ALPK2: variants seen among roughly 807,000 people sequenced by gnomAD.
The protein encoded by ALPK2 is alpha-protein kinase 2.
In ALPK2, 127 loss-of-function variants were observed where a neutral mutation model predicts 163.1. The observed-to-expected ratio is 0.78, with a 90% CI of 0.67 to 0.90. The LOEUF (loss-of-function observed/expected upper bound fraction) is 0.90. ALPK2 is among the 40% of genes least tolerant of loss of function. The pLI is 0.00. For missense variants in ALPK2, 2,360 were observed against 2,589.6 expected (o/e 0.91, Z 1.92); for synonymous variants, 953 against 959.1 (o/e 0.99, Z 0.12).
At chr18:58,548,383 C>T (rs1027301706) in intron 4 of ALPK2, among the ~76,000 whole-genome samples, 6 of 150,754 alleles carry the variant, frequency 4.0e-5, no homozygotes, top group Admixed American at 6.6e-5. Context: ...CACAGTGGTG[C>T]GATCTCGGCT....
At chr18:58,512,909 GTGTATGTGTGA>G (rs1330328117) in intron 10 of ALPK2, among the ~76,000 whole-genome samples, 1 of 129,646 alleles carries the variant, frequency 7.7e-6, no homozygotes, top group East Asian at 2.2e-4. Context: ...TATGTGTGTG[GTGTATGTGTGA>G]TGTGTGGGGT....
chr18:58,544,004 A>G (rs1189875632), intron 4 of ALPK2, among the ~76,000 whole-genome samples: 2 of 152,236 alleles, frequency 1.3e-5, no homozygotes. Context: ...TCTTAGGTGC[A>G]ACATGGCCAT....
At chr18:58,532,067 C>T (rs546489520) in intron 5 of ALPK2, among the ~76,000 whole-genome samples, 12 of 150,846 alleles carry the variant, frequency 8.0e-5, no homozygotes, top group Admixed American at 6.0e-4. Context: ...TGTGTTGATT[C>T]GTATGGATTA....
intron 12 of ALPK2, among the ~76,000 whole-genome samples, chr18:58,496,781 C>T (rs1203524648): frequency 6.6e-6 from 1 of 152,170 alleles, no homozygotes; most frequent in Non-Finnish European, 1.5e-5. Context: ...CTTTACTCCT[C>T]TCAGGGCTGC....
chr18:58,517,204 G>C (rs1261154776), intron 8 of ALPK2, 22 bp from the exon 9 acceptor site: 9 of 1,606,762 alleles, frequency 5.6e-6, no homozygotes, highest in African/African-American at 5.3e-5. Context: ...CACAGCTTTG[G>C]TTGGAAAGAA....
chr18:58,536,899 G>A lies in ALPK2; in HGVS notation c.3288C>T (p.Cys1096=). The part of the protein sequence containing the change: ...VLQLPEGEGF[C]SNSPLQVDNL... ...TATCAACCTGAAGAGGGGAATTACTGCAGAAACCCTCTCCCTCTGGGAGCT... is the reference window on the plus strand; with the variant it reads ...TATCAACCTGAAGAGGGGAATTACTACAGAAACCCTCTCCCTCTGGGAGCT... The change falls in exon 5 of 13, where the codon TGC becomes TGT. Residue 1096 remains cysteine, a synonymous_variant. Coordinates refer to ENST00000361673, the MANE Select transcript of ALPK2 (RefSeq NM_052947.4). The A allele has an allele frequency of 6.2e-7, 1 of 1,614,190 alleles. No homozygotes were observed.
chr18:58,557,586 A>G (rs2051799915), intron 4 of ALPK2, among the ~76,000 whole-genome samples: 1 of 152,174 alleles, frequency 6.6e-6, no homozygotes, highest in Non-Finnish European at 1.5e-5. Context: ...TGCTCTAAAA[A>G]AGTCTATTAA....
At chr18:58,482,169 G>T in intron 12 of ALPK2, 130 bp from the exon 13 acceptor site, 1 of 686,814 alleles carries the variant, frequency 1.5e-6, no homozygotes, top group Admixed American at 2.6e-5. Flanking sequence ...AGATAAGAAT[G>T]GCTGCAGGAT....
At chr18:58,601,979 G>C (rs1306222329) in intron 3 of ALPK2, among the ~76,000 whole-genome samples, 1 of 152,110 alleles carries the variant, frequency 6.6e-6, no homozygotes, top group Non-Finnish European at 1.5e-5. Context: ...CCTCCCGCCA[G>C]ATGCAGTAGC....
intron 4 of ALPK2, chr18:58,543,530 G>T: frequency 3.2e-6 from 1 of 315,636 alleles, no homozygotes; most frequent in Non-Finnish European, 4.6e-6. Flanking sequence ...CAAGGTTGCA[G>T]ATGACCACGT....
intron 3 of ALPK2, among the ~76,000 whole-genome samples, chr18:58,603,065 A>G (rs1278882452): frequency 6.6e-6 from 1 of 152,234 alleles, no homozygotes; most frequent in Non-Finnish European, 1.5e-5. Context: ...CTTGTTTAGC[A>G]TATAATCAAT....
At chr18:58,521,298 G>A (rs1602198825) in intron 8 of ALPK2, among the ~76,000 whole-genome samples, 1 of 152,200 alleles carries the variant, frequency 6.6e-6, no homozygotes, top group Non-Finnish European at 1.5e-5. Context: ...ATGAGCTCAT[G>A]CACACCTAAA....
At chr18:58,498,480 T>C (rs1415787695) in intron 11 of ALPK2, among the ~76,000 whole-genome samples, 1 of 152,192 alleles carries the variant, frequency 6.6e-6, no homozygotes, top group Non-Finnish European at 1.5e-5. Flanking sequence ...GGCTCCCCGT[T>C]CTTCAATGAA....
Position 58,515,257 on chromosome 18 carries a change from G to A in ALPK2, c.5941-176C>T, listed in dbSNP as rs4310952. Reference sequence around the variant, plus strand: ...TTAGAACCTAGAGTTGGCCACTTAGGGAGGAGCTCTGAGACGTCAAGGAAC... The same window carrying A: ...TTAGAACCTAGAGTTGGCCACTTAGAGAGGAGCTCTGAGACGTCAAGGAAC... On this transcript the variant is annotated intron_variant, in intron 9 of 12. Coordinates refer to ENST00000361673, the MANE Select transcript of ALPK2 (RefSeq NM_052947.4). 1.2e-3 allele frequency among the ~76,000 whole-genome samples: 190 copies of A among 152,182 alleles called. 1 individual carries two copies. Among genetic ancestry groups the A allele is most frequent in the African/African-American group, 4.4e-3 (182 of 41,520 alleles).
At chr18:58,603,067 A>T (rs75846846) in intron 3 of ALPK2, among the ~76,000 whole-genome samples, 12 of 152,344 alleles carry the variant, frequency 7.9e-5, no homozygotes, top group African/African-American at 2.9e-4. Context: ...TGTTTAGCAT[A>T]TAATCAATAA....
chr18:58,517,382 T>C (rs1306614326), intron 8 of ALPK2, among the ~76,000 whole-genome samples, 200 bp from the exon 9 acceptor site: 1 of 152,102 alleles, frequency 6.6e-6, no homozygotes. Context: ...AGACAGGTCA[T>C]TGAATGAGAA....
In ALPK2 at chr18:58,528,985, A is replaced by G. The variant is rs574934630; in HGVS notation, c.5501+106T>C. 1.8e-4 allele frequency: 252 copies of G among 1,404,158 alleles called. No homozygotes were observed. The African/African-American group carries it at 2.4e-3, about 13-fold the overall frequency. The allele number at this position is 1,404,158 out of a possible 1,614,324, so 87.0% of individuals were successfully genotyped here. A position where few individuals can be genotyped will look rare whatever the true frequency, so the allele number is the denominator to read the frequency against. Reference sequence around the variant, plus strand: ...TTGTGGATGTGGAATCTCTGCTTCAATTTTCCTTTTCACGTCCTATAATTT... The same window carrying G: ...TTGTGGATGTGGAATCTCTGCTTCAGTTTTCCTTTTCACGTCCTATAATTT... On this transcript the variant is annotated intron_variant, in intron 6 of 12. Transcript: ENST00000361673.
In ALPK2 at chr18:58,536,067, G is replaced by C. The variant is rs758231974; in HGVS notation, c.4120C>G (p.Gln1374Glu). 22 of 1,614,154 alleles carry C rather than the reference G, an allele frequency of 1.4e-5. No homozygotes were observed. In the Admixed American group the frequency reaches 3.5e-4, roughly 26 times the overall value. ...TTGAGTTGTTTTTCCTCCTGGTCTT[G>C]ACTCACATTGTTAACATTTTCCTTC... ...GGKENVNNVS[Q>E]DQEEKQLKMD... The change falls in exon 5 of 13, where the codon CAA (glutamine) becomes GAA (glutamate). Residue 1374 changes from glutamine (Q) to glutamate (E), a missense_variant. Physicochemically the swap from Gln to Glu is conservative, Grantham distance 29. Transcript: ENST00000361673.
chr18:58,529,067 A>G, intron 6 of ALPK2, 24 bp downstream of exon 6: 2 of 1,614,052 alleles, frequency 1.2e-6, no homozygotes, highest in Non-Finnish European at 1.7e-6. Flanking sequence ...AACTGTGAAA[A>G]GTAACCAGGG....
Sources: gnomAD v4.1 joint callset for allele counts (sites outside exome capture counted in the v4.1 genomes callset) on GRCh38, gnomAD v4.1.1 for gene constraint, MANE v1.5 for transcripts, NCBI Gene and HGNC (gene_info 2026-07-23, HGNC 2026-07-21) for gene names.